DNAJC1: variants seen among roughly 807,000 people sequenced by gnomAD.
DNAJC1 encodes DnaJ heat shock protein family (Hsp40) member C1, also known as dnaJ homolog subfamily C member 1.
A neutral mutation model predicts 76.6 loss-of-function variants in DNAJC1; 58 were observed. That is an observed-to-expected ratio of 0.76 (90% CI 0.61 to 0.94). The LOEUF is 0.94. Among genes scored for constraint, DNAJC1 ranks in the 40% least tolerant of loss-of-function variants. The probability of loss-of-function intolerance (pLI) is 0.00; values close to 1 mark genes in which losing one functional copy is unlikely to be tolerated. For synonymous variants in DNAJC1, 258 were observed against 267.9 expected, an observed-to-expected ratio of 0.96 and a Z score of 0.36; for missense variants, 689 against 677.3, an observed-to-expected ratio of 1.02 and a Z score of -0.19.
intron 7 of DNAJC1, among the ~76,000 whole-genome samples, chr10:21,891,341 G>T (rs897881553): frequency 6.6e-6 from 1 of 151,862 alleles, no homozygotes; most frequent in Non-Finnish European, 1.5e-5. Context: ...GGAAATGTCA[G>T]AATTGATGTG....
At chr10:21,826,667 T>G (rs1835262571) in intron 8 of DNAJC1, among the ~76,000 whole-genome samples, 1 of 152,224 alleles carries the variant, frequency 6.6e-6, no homozygotes, top group African/African-American at 2.4e-5. Context: ...CCCATTTTTG[T>G]AAATTTTTCT....
chr10:21,850,533 CTTTTT>C (rs1041190429), intron 8 of DNAJC1, among the ~76,000 whole-genome samples: 1 of 136,486 alleles, frequency 7.3e-6, no homozygotes, highest in African/African-American at 2.7e-5. Flanking sequence ...ATTTTCTTTT[CTTTTT>C]TTTTTTTTTT....
intron 3 of DNAJC1, among the ~76,000 whole-genome samples, chr10:21,927,603 T>G (rs1837150445): frequency 6.6e-6 from 1 of 152,058 alleles, no homozygotes; most frequent in African/African-American, 2.4e-5. Context: ...TTTTAAAAAA[T>G]AAATAAATAA....
chr10:21,930,069 G>A (rs1355060166), intron 1 of DNAJC1, among the ~76,000 whole-genome samples: 1 of 152,142 alleles, frequency 6.6e-6, no homozygotes, highest in African/African-American at 2.4e-5. Flanking sequence ...TCCACCTCCT[G>A]GGTCCAAGAG....
intron 8 of DNAJC1, among the ~76,000 whole-genome samples, chr10:21,861,578 G>T (rs1234826634): frequency 6.6e-6 from 1 of 152,164 alleles, no homozygotes; most frequent in Non-Finnish European, 1.5e-5. Flanking sequence ...GGATGAGACA[G>T]GAAGGAGGTT....
intron 8 of DNAJC1, among the ~76,000 whole-genome samples, chr10:21,846,231 G>T (rs971640468): frequency 6.6e-6 from 1 of 152,178 alleles, no homozygotes; most frequent in Non-Finnish European, 1.5e-5. Context: ...CACAATGCCT[G>T]TCATGTAATA....
intron 1 of DNAJC1, among the ~76,000 whole-genome samples, chr10:21,950,379 G>A (rs2131806777): frequency 6.6e-6 from 1 of 151,986 alleles, no homozygotes; most frequent in East Asian, 1.9e-4. Flanking sequence ...ATATAAATTG[G>A]TAAATTTAAT....
intron 7 of DNAJC1, among the ~76,000 whole-genome samples, chr10:21,895,329 TGAG>T (rs774521189): frequency 1.3e-5 from 2 of 152,052 alleles, no homozygotes; most frequent in Non-Finnish European, 2.9e-5. Flanking sequence ...TAGTTGGAAA[TGAG>T]GAGCAGTTTA....
At chr10:21,815,143 G>C (rs1282137591) in intron 8 of DNAJC1, among the ~76,000 whole-genome samples, 3 of 152,172 alleles carry the variant, frequency 2.0e-5, no homozygotes, top group African/African-American at 7.2e-5. Flanking sequence ...TAAATCATGG[G>C]TAGCCAAAAA....
chr10:21,821,435 G>T (rs1334368391), intron 8 of DNAJC1, among the ~76,000 whole-genome samples: 1 of 151,850 alleles, frequency 6.6e-6, no homozygotes, highest in Non-Finnish European at 1.5e-5. Context: ...TAAAGTTTGG[G>T]GACTATGCCT....
intron 1 of DNAJC1, among the ~76,000 whole-genome samples, chr10:21,967,880 C>A (rs910713327): frequency 6.6e-6 from 1 of 152,174 alleles, no homozygotes; most frequent in Non-Finnish European, 1.5e-5. Flanking sequence ...TATTCACAAT[C>A]CACTGCCAAA....
chr10:21,985,831 C>T (rs559298047), intron 1 of DNAJC1, among the ~76,000 whole-genome samples: 2 of 152,180 alleles, frequency 1.3e-5, no homozygotes, highest in African/African-American at 2.4e-5. Context: ...CTGCAATGAA[C>T]ACTCATGTAC....
intron 7 of DNAJC1, among the ~76,000 whole-genome samples, chr10:21,882,751 C>A (rs1330449520): frequency 6.6e-6 from 1 of 152,032 alleles, no homozygotes; most frequent in Non-Finnish European, 1.5e-5. Flanking sequence ...AATATTGTAA[C>A]CCTAACTTTA....
intron 8 of DNAJC1, among the ~76,000 whole-genome samples, chr10:21,863,178 C>T (rs1180297903): frequency 6.6e-6 from 1 of 151,528 alleles, no homozygotes; most frequent in African/African-American, 2.4e-5. Flanking sequence ...AAGTAGAAGA[C>T]AGGTATGTAA....
chr10:21,836,941 C>T (rs905779452), intron 8 of DNAJC1, among the ~76,000 whole-genome samples: 5 of 152,214 alleles, frequency 3.3e-5, no homozygotes, highest in African/African-American at 4.8e-5. Context: ...TCTCTCTCCA[C>T]GGTCTCCCTC....
At position 21,805,999 on chromosome 10, in the gene DNAJC1, A is replaced by C. The variant is rs2131641978; in HGVS notation, c.1079T>G (p.Leu360Trp). Residue 360 changes from leucine to tryptophan, a missense_variant, in exon 9 of 12, where the codon TTG becomes TGG. Transcript: ENST00000376980. ...ACTCACATCTGTCACAGATCGACCC[A>C]ATTCGTGGGCAATCTTTTCCCATCG... ...PGRWEKIAHE[L>W]GRSVTDVTTK... The C allele has an allele frequency of 6.2e-7, 1 of 1,611,422 alleles. No homozygotes were observed. Among genetic ancestry groups the C allele is most frequent in the South Asian group, 1.1e-5 (1 of 90,966 alleles).
intron 8 of DNAJC1, among the ~76,000 whole-genome samples, chr10:21,878,150 G>A (rs1836217607): frequency 6.6e-6 from 1 of 152,060 alleles, no homozygotes; most frequent in Admixed American, 6.5e-5. Context: ...CATCACTAGT[G>A]GTACTTTCCA....
At chr10:21,764,191 A>C (rs1485524376) in intron 10 of DNAJC1, among the ~76,000 whole-genome samples, 1 of 152,226 alleles carries the variant, frequency 6.6e-6, no homozygotes, top group Non-Finnish European at 1.5e-5. Context: ...ACTATGGACT[A>C]CTATGGAGCC....
At chr10:21,796,575 G>C (rs569416762) in intron 9 of DNAJC1, among the ~76,000 whole-genome samples, 1 of 152,206 alleles carries the variant, frequency 6.6e-6, no homozygotes, top group South Asian at 2.1e-4. Flanking sequence ...GTGTACAAGG[G>C]TTCCAATTTC....
Sources: gnomAD v4.1 joint callset for allele counts (sites outside exome capture counted in the v4.1 genomes callset) on GRCh38, gnomAD v4.1.1 for gene constraint, MANE v1.5 for transcripts, NCBI Gene and HGNC (gene_info 2026-07-23, HGNC 2026-07-21) for gene names.